Variants in ATF7IP2 observed in about 807,000 individuals in gnomAD.
ATF7IP2 encodes activating transcription factor 7 interacting protein 2, also known as activating transcription factor 7-interacting protein 2.
A neutral mutation model predicts 64.2 loss-of-function variants in ATF7IP2; 42 were observed. The observed-to-expected ratio is 0.65, with a 90% CI of 0.51 to 0.85. The LOEUF (loss-of-function observed/expected upper bound fraction) is 0.85, where lower values mean the gene tolerates loss of function less well. Among genes scored for constraint, ATF7IP2 ranks in the 40% least tolerant of loss-of-function variants. The pLI, the probability that ATF7IP2 is intolerant of heterozygous loss-of-function variation, is 0.00. For synonymous variants in ATF7IP2, 308 were observed against 272.8 expected (o/e 1.13, Z -1.27); for missense variants, 933 against 784.2 (o/e 1.19, Z -2.27).
At chr16:10,401,616 A>G (rs1362395562) in intron 1 of ATF7IP2, among the ~76,000 whole-genome samples, 1 of 152,092 alleles carries the variant, frequency 6.6e-6, no homozygotes, top group East Asian at 1.9e-4. Flanking sequence ...CTATCTTCAT[A>G]GAATGTGTTA....
Position 10,481,934 on chromosome 16 carries a change from G to A in ATF7IP2, c.1734G>A (p.Lys578=), listed in dbSNP as rs758547789. 4 of 1,613,968 alleles carry A rather than the reference G, an allele frequency of 2.5e-6. No homozygotes were observed. Among genetic ancestry groups the A allele is most frequent in the Non-Finnish European group, 2.5e-6 (3 of 1,180,000 alleles). ...CCCGAGACACACTTCCTCCCCAGAA[G>A]CCTGAGCTCAAAGTGAAACGGGTTT... is the stretch of plus-strand genomic sequence containing the variant. ...DKTRDTLPPQ[K]PELKVKRVFR... Residue 578 remains lysine, a synonymous_variant, in exon 14 of 14, where the codon AAG becomes AAA. Coordinates refer to ENST00000562102, the MANE Select transcript of ATF7IP2 (RefSeq NM_001393719.1).
chr16:10,466,511 A>G (rs1266709557), intron 9 of ATF7IP2, among the ~76,000 whole-genome samples: 1 of 151,420 alleles, frequency 6.6e-6, no homozygotes, highest in African/African-American at 2.4e-5. Context: ...GATTTTTATT[A>G]CTGCGTATCC....
chr16:10,468,268 A>G (rs777725386), intron 9 of ATF7IP2, among the ~76,000 whole-genome samples: 1 of 152,212 alleles, frequency 6.6e-6, no homozygotes, highest in Non-Finnish European at 1.5e-5. Context: ...CCATTGAGAA[A>G]TGTGATATTT....
chr16:10,414,070 CT>C (rs2047822663), intron 1 of ATF7IP2, among the ~76,000 whole-genome samples: 1 of 152,126 alleles, frequency 6.6e-6, no homozygotes, highest in Admixed American at 6.6e-5. Flanking sequence ...AGGTGATGCT[CT>C]TTTTGCAGTG....
At chr16:10,436,555 C>G (rs997468317) in intron 6 of ATF7IP2, among the ~76,000 whole-genome samples, 2 of 151,760 alleles carry the variant, frequency 1.3e-5, no homozygotes, top group African/African-American at 4.8e-5. Flanking sequence ...AGTGAGAACA[C>G]TTGGAAACAG....
At chr16:10,398,970 G>T (rs917313816) in intron 1 of ATF7IP2, among the ~76,000 whole-genome samples, 4 of 152,152 alleles carry the variant, frequency 2.6e-5, no homozygotes, top group African/African-American at 9.7e-5. Context: ...AAAATTAGCT[G>T]GGCGTGGTGG....
intron 1 of ATF7IP2, among the ~76,000 whole-genome samples, chr16:10,405,340 C>G (rs1277953600): frequency 6.6e-6 from 1 of 151,862 alleles, no homozygotes; most frequent in Admixed American, 6.6e-5. Flanking sequence ...ACATTGTACT[C>G]CAGCCTGAGC....
In ATF7IP2 at chr16:10,446,094, A is replaced by G. The variant is rs1192074019; in HGVS notation, c.1194+5632A>G. On this transcript the variant is annotated intron_variant, in intron 8 of 13. Transcript: ENST00000562102. ...TCAAGGGCTTCCCCATTGATTGACT[A>G]CTGAGTACCCATTATATCTTTTTCC... is the stretch of plus-strand genomic sequence containing the variant. The G allele has an allele frequency of 2.0e-5, 3 of 152,184 alleles. No individual in the cohort carries two copies. The South Asian group carries it at 6.2e-4, about 32-fold the overall frequency. 9.4% of individuals were successfully genotyped at this position (152,184 alleles called of 1,614,324 possible).
intron 12 of ATF7IP2, among the ~76,000 whole-genome samples, chr16:10,476,484 TTG>T (rs144175914): frequency 2.4e-5 from 3 of 122,582 alleles, no homozygotes; most frequent in Admixed American, 7.4e-5. Context: ...CTCTCCCCAG[TTG>T]TGTGTGTGTG....
At chr16:10,437,108 A>G (rs1053612592) in intron 6 of ATF7IP2, among the ~76,000 whole-genome samples, 1 of 141,062 alleles carries the variant, frequency 7.1e-6, no homozygotes, top group African/African-American at 2.7e-5. Flanking sequence ...TGCAACCTCC[A>G]CCTCCTGGAT....
chr16:10,389,320 G>C (rs1455602736), intron 1 of ATF7IP2, among the ~76,000 whole-genome samples: 2 of 152,200 alleles, frequency 1.3e-5, no homozygotes, highest in Non-Finnish European at 2.9e-5. Context: ...ACGATGAGCT[G>C]TAAGAGACGT....
chr16:10,454,285 C>T (rs922194390), intron 8 of ATF7IP2: 5 of 151,730 alleles, frequency 3.3e-5, no homozygotes, highest in Admixed American at 2.6e-4. Flanking sequence ...TGACAGGTGC[C>T]TGTAATCCCA....
chr16:10,396,474 A>AT (rs2047421141), intron 1 of ATF7IP2, among the ~76,000 whole-genome samples: 1 of 151,808 alleles, frequency 6.6e-6, no homozygotes, highest in Non-Finnish European at 1.5e-5. Flanking sequence ...CGTCATGGAG[A>AT]TTTTCCCTGT....
chr16:10,427,708 A>T (rs1250529017), intron 3 of ATF7IP2, among the ~76,000 whole-genome samples: 1 of 152,094 alleles, frequency 6.6e-6, no homozygotes, highest in South Asian at 2.1e-4. Context: ...TTTTTTTACA[A>T]ATTAGCCAGT....
In ATF7IP2 at chr16:10,386,112, C is replaced by G. The variant is rs1001488245; in HGVS notation, c.-252C>G. On this transcript the variant is annotated 5_prime_UTR_variant, in exon 1 of 14. Coordinates refer to ENST00000562102, the MANE Select transcript of ATF7IP2 (RefSeq NM_001393719.1). Reference sequence around the variant, plus strand: ...GTGGGTATTGCTGCGGCTGGTGCGTCGTCGCTCTAGGTACGTTGGGGCCGG... The same window carrying G: ...GTGGGTATTGCTGCGGCTGGTGCGTGGTCGCTCTAGGTACGTTGGGGCCGG... The G allele has an allele frequency of 6.5e-6, 1 of 152,792 alleles. No homozygotes were observed. The highest frequency in any genetic ancestry group is 2.4e-5 in the African/African-American group (1 of 41,478). The allele number at this position is 152,792 out of a possible 1,614,324, so 9.5% of individuals were successfully genotyped here.
chr16:10,462,422 G>A (rs189552272), intron 9 of ATF7IP2, among the ~76,000 whole-genome samples: 13 of 151,864 alleles, frequency 8.6e-5, no homozygotes, highest in South Asian at 4.2e-4. Context: ...GTTTTTATCC[G>A]GAAATGACTT....
intron 10 of ATF7IP2, among the ~76,000 whole-genome samples, chr16:10,473,078 G>A (rs2049865356): frequency 1.3e-5 from 2 of 152,116 alleles, no homozygotes; most frequent in Non-Finnish European, 2.9e-5. Context: ...GTGAATCAGA[G>A]AATTACAAAG....
chr16:10,404,510 G>A (rs1311585794), intron 1 of ATF7IP2, among the ~76,000 whole-genome samples: 2 of 152,102 alleles, frequency 1.3e-5, no homozygotes, highest in African/African-American at 4.8e-5. Flanking sequence ...GCCTCCCAAA[G>A]TGCTGGGATT....
At chr16:10,413,565 G>A (rs529985670) in intron 1 of ATF7IP2, among the ~76,000 whole-genome samples, 7 of 152,234 alleles carry the variant, frequency 4.6e-5, no homozygotes, top group African/African-American at 1.7e-4. Flanking sequence ...TCATCATGCT[G>A]TTTGTTGCCT....
Sources: gnomAD v4.1 joint callset for allele counts (sites outside exome capture counted in the v4.1 genomes callset) on GRCh38, gnomAD v4.1.1 for gene constraint, MANE v1.5 for transcripts, NCBI Gene and HGNC (gene_info 2026-07-23, HGNC 2026-07-21) for gene names.